Variants in ATXN3 observed in about 807,000 individuals in gnomAD.
The protein encoded by ATXN3 is ataxin 3, also known as ataxin-3.
ATXN3 carries 28 observed loss-of-function variants against 58.2 expected under a neutral mutation model. That is an observed-to-expected ratio of 0.48 (90% CI 0.36 to 0.66). The LOEUF (loss-of-function observed/expected upper bound fraction) is 0.66, where lower values mean the gene tolerates loss of function less well. Ranked by LOEUF, ATXN3 falls within the 30% of genes least tolerant of loss-of-function variation. ATXN3 has a pLI of 0.00. For missense variants in ATXN3, 321 were observed against 422.1 expected, an observed-to-expected ratio of 0.76 and a Z score of 2.10; for synonymous variants, 113 against 138.5, an observed-to-expected ratio of 0.82 and a Z score of 1.29.
downstream of ATXN3, among the ~76,000 whole-genome samples, chr14:92,053,954 G>C (rs756179648): frequency 6.6e-6 from 1 of 150,934 alleles, no homozygotes; most frequent in Non-Finnish European, 1.5e-5. Flanking sequence ...TTTTTCCCCC[G>C]AGACGGAGTC....
At chr14:92,098,695 T>TG (rs2141208501) in intron 1 of ATXN3, among the ~76,000 whole-genome samples, 1 of 152,320 alleles carries the variant, frequency 6.6e-6, no homozygotes, top group South Asian at 2.1e-4. Flanking sequence ...TGTTAAAACT[T>TG]GCAGTTACAG....
intron 6 of ATXN3, among the ~76,000 whole-genome samples, chr14:92,084,785 G>A (rs1263328467): frequency 6.6e-6 from 1 of 151,936 alleles, no homozygotes; most frequent in African/African-American, 2.4e-5. Flanking sequence ...TCACCATGTT[G>A]GCTGGGCTGG....
intron 9 of ATXN3, among the ~76,000 whole-genome samples, chr14:92,078,176 T>C (rs572650747): frequency 7.2e-5 from 11 of 152,060 alleles, no homozygotes; most frequent in African/African-American, 2.7e-4. Context: ...GGTTTCGCCA[T>C]GTTGGCCAGG....
intron 9 of ATXN3, chr14:92,080,627 G>A (rs928038311): frequency 2.3e-4 from 77 of 331,932 alleles, no homozygotes; most frequent in African/African-American, 1.4e-3. Context: ...TCCACGTCCC[G>A]GGTTCAAGCA....
intron 5 of ATXN3, among the ~76,000 whole-genome samples, chr14:92,091,401 A>G (rs973447533): frequency 1.3e-5 from 2 of 151,982 alleles, no homozygotes; most frequent in African/African-American, 4.8e-5. Flanking sequence ...CAGGGAGCCA[A>G]GATCCCGCCA....
At chr14:92,047,221 T>C (rs1373532337) in intron 2 of ATXN3, among the ~76,000 whole-genome samples, 1 of 151,954 alleles carries the variant, frequency 6.6e-6, no homozygotes, top group Non-Finnish European at 1.5e-5. Flanking sequence ...TAGTGAGTTG[T>C]GGAGGAAGGT....
intron 1 of ATXN3, among the ~76,000 whole-genome samples, chr14:92,097,231 A>ATTTTT (rs757477224): frequency 7.2e-6 from 1 of 138,912 alleles, no homozygotes; most frequent in Non-Finnish European, 1.6e-5. Flanking sequence ...TTAATCATTA[A>ATTTTT]TTTTTTTTTT....
At chr14:92,066,928 C>A (rs750938282) in intron 10 of ATXN3, among the ~76,000 whole-genome samples, 2 of 152,046 alleles carry the variant, frequency 1.3e-5, no homozygotes, top group Non-Finnish European at 2.9e-5. Context: ...TGCCACCACA[C>A]CTGGCTAATT....
At chr14:92,077,365 G>A (rs937979922) in intron 9 of ATXN3, among the ~76,000 whole-genome samples, 2 of 127,038 alleles carry the variant, frequency 1.6e-5, no homozygotes, top group Non-Finnish European at 3.3e-5. Context: ...TTTTTTTTTT[G>A]AGACAGAGCC....
At chr14:92,078,998 C>G (rs567696257) in intron 9 of ATXN3, among the ~76,000 whole-genome samples, 35 of 152,038 alleles carry the variant, frequency 2.3e-4, no homozygotes, top group Non-Finnish European at 4.1e-4. Flanking sequence ...CCAGCCTGGA[C>G]GACATGGTGA....
intron 10 of ATXN3, among the ~76,000 whole-genome samples, chr14:92,068,579 T>C (rs369694569): frequency 6.6e-6 from 1 of 152,080 alleles, no homozygotes; most frequent in East Asian, 1.9e-4. Context: ...GCCTTTGAGA[T>C]TCAGCTGAAT....
upstream of ATXN3, among the ~76,000 whole-genome samples, chr14:92,051,685 TG>T (rs202087616): frequency 4.8e-3 from 704 of 146,944 alleles, 6 homozygotes; most frequent in African/African-American, 0.017. Flanking sequence ...CTAGGGAATC[TG>T]CTGTTTCTTT....
chr14:92,074,107 A>G (rs1595630828), intron 9 of ATXN3, among the ~76,000 whole-genome samples: 1 of 150,824 alleles, frequency 6.6e-6, no homozygotes, highest in African/African-American at 2.4e-5. Flanking sequence ...CGGGCAGATC[A>G]CCTGAGGTCA....
rs1379091238 is a variant in ATXN3 at position 92,081,475 on chromosome 14, AAAAAAAAAAAAGAAAG to A, written c.776-430_776-415del. 3.8e-5 allele frequency among the ~76,000 whole-genome samples: 3 copies of A among 79,532 alleles called. No homozygotes were observed. In the South Asian group the frequency reaches 1.4e-3, roughly 38 times the overall value. 52.2% of individuals were successfully genotyped at this position (79,532 alleles called of 152,430 possible). A position where few individuals can be genotyped will look rare whatever the true frequency, so the allele number is the denominator to read the frequency against. ...AGTGAGACTCTGACTCAAAAAAAAA[AAAAAAAAAAAAGAAAG>A]AAAAAAAAAAAAGAAAGAAATCTAA... On this transcript the variant is annotated intron_variant, in intron 8 of 10. Transcript: ENST00000644486.
intron 6 of ATXN3, among the ~76,000 whole-genome samples, chr14:92,086,823 A>AG (rs150394957): frequency 0.035 from 4,843 of 139,206 alleles, 196 homozygotes; most frequent in African/African-American, 0.11. Flanking sequence ...TTACAAAAAA[A>AG]GGGGGGGGGA....
chr14:92,082,101 A>G (rs541911807), intron 8 of ATXN3, among the ~76,000 whole-genome samples, 199 bp downstream of exon 8: 1 of 152,362 alleles, frequency 6.6e-6, no homozygotes, highest in South Asian at 2.1e-4. Context: ...GAGTAAAAAT[A>G]TAACTACTCC....
chr14:92,045,835 T>C (rs1055951329), intron 2 of ATXN3, among the ~76,000 whole-genome samples: 1 of 152,118 alleles, frequency 6.6e-6, no homozygotes, highest in African/African-American at 2.4e-5. Flanking sequence ...AGTCGGTGAA[T>C]AGGTGGGAGT....
chr14:92,053,496 T>C (rs577500616), upstream of ATXN3, among the ~76,000 whole-genome samples: 79 of 151,398 alleles, frequency 5.2e-4, 1 homozygote, highest in South Asian at 0.015. Context: ...TTCTTTCTTT[T>C]TTTTTTTTTT....
intron 1 of ATXN3, among the ~76,000 whole-genome samples, chr14:92,101,218 CTGTT>C (rs1416848090): frequency 6.6e-6 from 1 of 152,138 alleles, no homozygotes; most frequent in Non-Finnish European, 1.5e-5. Flanking sequence ...ATAATCTCAA[CTGTT>C]TGAGGGGCTG....
Sources: allele counts gnomAD v4.1 joint callset (sites outside exome capture counted in the v4.1 genomes callset), GRCh38; gene constraint gnomAD v4.1.1; transcripts MANE v1.5; gene names NCBI Gene and HGNC (gene_info 2026-07-23, HGNC 2026-07-21).